Variants in PRDM5 observed in about 807,000 individuals in gnomAD.
The protein encoded by PRDM5 is PR domain zinc finger protein 5.
A neutral mutation model predicts 81.2 loss-of-function variants in PRDM5; 56 were observed. The ratio of observed to expected loss-of-function variants is 0.69; its 90% CI spans 0.56 to 0.86. The LOEUF is 0.86. Ranked by LOEUF, PRDM5 falls within the 40% of genes least tolerant of loss-of-function variation. PRDM5 has a pLI of 0.00. For missense variants in PRDM5, 697 were observed against 770.1 expected, an observed-to-expected ratio of 0.91 and a Z score of 1.12; for synonymous variants, 267 against 256.4, an observed-to-expected ratio of 1.04 and a Z score of -0.39.
intron 1 of PRDM5, among the ~76,000 whole-genome samples, chr4:120,917,665 C>A (rs1435441239): frequency 9.0e-6 from 1 of 111,300 alleles, no homozygotes; most frequent in African/African-American, 3.5e-5. Flanking sequence ...ACAGCATAGA[C>A]TATAGTCAGA....
intron 2 of PRDM5, among the ~76,000 whole-genome samples, chr4:120,870,482 G>C (rs1449452653): frequency 6.6e-6 from 1 of 152,156 alleles, no homozygotes; most frequent in East Asian, 1.9e-4. Flanking sequence ...CACCTAGTGG[G>C]GGGTGGGGGA....
chr4:120,797,453 T>C (rs1751500038), intron 10 of PRDM5, among the ~76,000 whole-genome samples: 1 of 152,004 alleles, frequency 6.6e-6, no homozygotes, highest in South Asian at 2.1e-4. Context: ...AGGGGAGAAA[T>C]AATCAGGATG....
chr4:120,818,271 CAG>C, intron 5 of PRDM5, 80 bp downstream of exon 5: 2 of 1,468,272 alleles, frequency 1.4e-6, no homozygotes, highest in Non-Finnish European at 1.9e-6. Flanking sequence ...CACACACACA[CAG>C]GTTAAAAACT....
chr4:120,901,312 T>A (rs1377687209), intron 2 of PRDM5, among the ~76,000 whole-genome samples: 1 of 152,198 alleles, frequency 6.6e-6, no homozygotes, highest in Admixed American at 6.5e-5. Flanking sequence ...CAAAAATAAA[T>A]AAAATCATGA....
intron 15 of PRDM5, among the ~76,000 whole-genome samples, chr4:120,699,125 T>C (rs1374290757): frequency 7.1e-6 from 1 of 140,872 alleles, no homozygotes; most frequent in Non-Finnish European, 1.5e-5. Flanking sequence ...GCCAAAGTCA[T>C]CTTTAACAAA....
rs1734105565 is a variant in PRDM5, at chr4:120,692,321, A to T, written c.*2790T>A. The stretch of plus-strand genomic sequence containing the variant: ...TATTTGAGCAAAGTAATGCACTTAC[A>T]TGTATATGCACTGCATATAAGTGAT... On this transcript the variant is annotated 3_prime_UTR_variant, in exon 16 of 16. Coordinates refer to ENST00000264808, the MANE Select transcript of PRDM5 (RefSeq NM_018699.4). 6.6e-6 allele frequency: 1 copy of T among 152,106 alleles called. No individual in the cohort carries two copies. The highest frequency in any genetic ancestry group is 2.4e-5 in the African/African-American group (1 of 41,440). The allele number at this position is 152,106 out of a possible 1,614,324, so 9.4% of individuals were successfully genotyped here. A position where few individuals can be genotyped will look rare whatever the true frequency, so the allele number is the denominator to read the frequency against.
chr4:120,686,617 A>C (rs964054019), intron 1 of PRDM5, among the ~76,000 whole-genome samples: 2 of 152,102 alleles, frequency 1.3e-5, no homozygotes, highest in Admixed American at 1.3e-4. Context: ...GTAATATATA[A>C]GAAATGTGAA....
intron 14 of PRDM5, among the ~76,000 whole-genome samples, chr4:120,734,162 C>T (rs1482980102): frequency 6.6e-6 from 1 of 152,042 alleles, no homozygotes; most frequent in African/African-American, 2.4e-5. Context: ...GCACAGCCAG[C>T]CTGGCACAGG....
Position 120,922,708 on chromosome 4 carries a change from C to A in PRDM5, c.-100G>T. 1 of 1,463,358 alleles carries A rather than the reference C, an allele frequency of 6.8e-7. No homozygotes were observed. The highest frequency in any genetic ancestry group is 1.2e-5 in the South Asian group (1 of 82,130). 90.6% of individuals were successfully genotyped at this position (1,463,358 alleles called of 1,614,324 possible). ...GGGTGCCAGGGTAGAGGGGAGAAACCGGCAGGGAAGGAGGAAATGGAGTTT... is the reference window on the plus strand; with the variant it reads ...GGGTGCCAGGGTAGAGGGGAGAAACAGGCAGGGAAGGAGGAAATGGAGTTT... On this transcript the variant is annotated 5_prime_UTR_variant, in exon 1 of 16. Coordinates refer to ENST00000264808, the MANE Select transcript of PRDM5 (RefSeq NM_018699.4).
rs866697873 is a variant in PRDM5, at chr4:120,857,221, G to A, written c.178-3681C>T. ...AAAAAATACGAAAATTAGCTGGTGT[G>A]GTGGCACATGCCTATAGTCCCAGCT... On this transcript the variant is annotated intron_variant, in intron 2 of 15. Transcript: ENST00000264808. Among the ~76,000 whole-genome samples the A allele has an allele frequency of 4.5e-4, 69 of 152,252 alleles. 1 individual carries two copies. The highest frequency in any genetic ancestry group is 3.4e-3 in the Middle Eastern group (1 of 294).
chr4:120,895,306 A>T (rs1764492230), intron 2 of PRDM5, among the ~76,000 whole-genome samples: 1 of 152,112 alleles, frequency 6.6e-6, no homozygotes, highest in Non-Finnish European at 1.5e-5. Flanking sequence ...TGTTTTTTCC[A>T]CTGTATTTTG....
At chr4:120,747,970 C>T (rs1008549148) in intron 14 of PRDM5, among the ~76,000 whole-genome samples, 11 of 152,142 alleles carry the variant, frequency 7.2e-5, no homozygotes, top group Non-Finnish European at 1.5e-4. Context: ...AGTTTTCTAT[C>T]GTAAACAGTT....
intron 14 of PRDM5, among the ~76,000 whole-genome samples, chr4:120,736,876 C>T (rs576922671): frequency 6.6e-6 from 1 of 152,328 alleles, no homozygotes; most frequent in Admixed American, 6.5e-5. Flanking sequence ...AAAGTGATCT[C>T]TTATTAAAAA....
In PRDM5 at chr4:120,693,271, T is replaced by C. The variant is rs1264176960; in HGVS notation, c.*1840A>G. 1 of 152,104 alleles carries C rather than the reference T, an allele frequency of 6.6e-6. No individual in the cohort carries two copies. The highest frequency in any genetic ancestry group is 1.5e-5 in the Non-Finnish European group (1 of 68,006). The allele number at this position is 152,104 out of a possible 1,614,324, so 9.4% of individuals were successfully genotyped here. On this transcript the variant is annotated 3_prime_UTR_variant, in exon 16 of 16. Coordinates refer to ENST00000264808, the MANE Select transcript of PRDM5 (RefSeq NM_018699.4). Reference sequence around the variant, plus strand: ...CATAATCGGGATATAAAGCATCCCATATAGAGAAAGCAGCATTCAAAGAAA... The same window carrying C: ...CATAATCGGGATATAAAGCATCCCACATAGAGAAAGCAGCATTCAAAGAAA...
intron 2 of PRDM5, among the ~76,000 whole-genome samples, chr4:120,902,208 C>A (rs566281042): frequency 2.0e-5 from 3 of 152,302 alleles, no homozygotes; most frequent in African/African-American, 7.2e-5. Context: ...ACAACTAAAT[C>A]ATGGTCAGAA....
intron 2 of PRDM5, among the ~76,000 whole-genome samples, chr4:120,869,315 GAAT>G (rs1761539812): frequency 6.6e-6 from 1 of 152,102 alleles, no homozygotes; most frequent in African/African-American, 2.4e-5. Flanking sequence ...TTCTCAGGTA[GAAT>G]ATTATGCATA....
chr4:120,863,527 C>A (rs1173159783), intron 2 of PRDM5, among the ~76,000 whole-genome samples: 1 of 152,024 alleles, frequency 6.6e-6, no homozygotes, highest in Admixed American at 6.6e-5. Context: ...GGCAGAGGGT[C>A]ATTTCAAGAT....
chr4:120,731,186 C>T (rs1244101094), intron 14 of PRDM5, among the ~76,000 whole-genome samples: 3 of 152,054 alleles, frequency 2.0e-5, no homozygotes, highest in African/African-American at 4.8e-5. Flanking sequence ...TGAAGTTCCG[C>T]CCACCATGAG....
intron 3 of PRDM5, among the ~76,000 whole-genome samples, chr4:120,841,237 T>A (rs997549235): frequency 6.6e-6 from 1 of 152,228 alleles, no homozygotes; most frequent in Admixed American, 6.5e-5. Flanking sequence ...AACTTTGTTA[T>A]ACAAATTACA....
Sources: gnomAD v4.1 joint callset for allele counts (sites outside exome capture counted in the v4.1 genomes callset) on GRCh38, gnomAD v4.1.1 for gene constraint, MANE v1.5 for transcripts, NCBI Gene and HGNC (gene_info 2026-07-23, HGNC 2026-07-21) for gene names.